Variants in CHD9 observed in about 807,000 individuals in gnomAD.
The protein encoded by CHD9 is chromodomain helicase DNA binding protein 9.
A neutral mutation model predicts 316.1 loss-of-function variants in CHD9; 77 were observed. The ratio of observed to expected loss-of-function variants is 0.24; its 90% CI spans 0.20 to 0.29. The LOEUF is 0.29. CHD9 is among the 10% of genes least tolerant of loss of function. The pLI is 1.00. For synonymous variants in CHD9, 1,129 were observed against 1,158.3 expected (o/e 0.97, Z 0.51); for missense variants, 2,763 against 3,438.1 (o/e 0.80, Z 4.91).
chr16:53,075,212 A>G (rs150151927), intron 1 of CHD9, among the ~76,000 whole-genome samples: 2,240 of 152,268 alleles, frequency 0.015, 58 homozygotes, highest in African/African-American at 0.051. Context: ...TGGAATGGCT[A>G]TATTTACCTA....
intron 2 of CHD9, among the ~76,000 whole-genome samples, chr16:53,174,704 G>A (rs1053116389): frequency 2.6e-5 from 4 of 152,160 alleles, no homozygotes; most frequent in African/African-American, 9.7e-5. Context: ...AATGTCCTGG[G>A]CTCAAGCAGT....
chr16:53,234,073 T>A (rs559402722), intron 10 of CHD9, among the ~76,000 whole-genome samples: 3 of 152,308 alleles, frequency 2.0e-5, no homozygotes, highest in East Asian at 3.9e-4. Flanking sequence ...TGCTTCTAGA[T>A]TTCTTTTGAA....
At chr16:53,306,168 G>A (rs3760010) in intron 31 of CHD9, 69 bp from the exon 32 acceptor site, 411,883 of 920,488 alleles carry the variant, frequency 0.45, 93,075 homozygotes, top group South Asian at 0.54. Flanking sequence ...GAATAATTAT[G>A]TAAAATCCTT....
chr16:53,182,034 G>T (rs779160591), intron 2 of CHD9, among the ~76,000 whole-genome samples: 3 of 152,062 alleles, frequency 2.0e-5, no homozygotes, highest in Non-Finnish European at 4.4e-5. Context: ...AGCCGAGAGT[G>T]CACCGCTGCA....
chr16:53,300,283 G>A (rs576082218), intron 30 of CHD9, among the ~76,000 whole-genome samples: 3 of 152,224 alleles, frequency 2.0e-5, no homozygotes, highest in Non-Finnish European at 2.9e-5. Flanking sequence ...AACCTGGGAG[G>A]CGGAGATTGC....
chr16:53,291,779 G>T lies in CHD9; in HGVS notation c.5290+12G>T. ...TATAGCAGATGGAGGTAAATTGCAC[G>T]TACTTCTGTACTTAGTATTATTGTA... On this transcript the variant is annotated intron_variant, in intron 28 of 38. Transcript: ENST00000447540. 6.8e-7 allele frequency: 1 copy of T among 1,474,552 alleles called. No individual in the cohort carries two copies. Among genetic ancestry groups the T allele is most frequent in the South Asian group, 1.3e-5 (1 of 77,362 alleles). The allele number at this position is 1,474,552 out of a possible 1,614,324, so 91.3% of individuals were successfully genotyped here. A position where few individuals can be genotyped will look rare whatever the true frequency, so the allele number is the denominator to read the frequency against.
intron 1 of CHD9, among the ~76,000 whole-genome samples, chr16:53,080,606 A>G (rs559279596): frequency 4.6e-5 from 7 of 152,346 alleles, no homozygotes; most frequent in African/African-American, 1.7e-4. Context: ...TGCTACAAGA[A>G]ATACAAGCTG....
At chr16:53,302,635 G>A (rs1466851462) in intron 30 of CHD9, among the ~76,000 whole-genome samples, 5 of 152,162 alleles carry the variant, frequency 3.3e-5, no homozygotes. Flanking sequence ...GTCTACAACA[G>A]TTTTTTCTGT....
rs989431782 is a variant in CHD9, at chr16:53,205,964, T to A, written c.1453-3518T>A. Among the ~76,000 whole-genome samples, 31 of 152,050 alleles carry A rather than the reference T, an allele frequency of 2.0e-4. 1 individual carries two copies. Among genetic ancestry groups the A allele is most frequent in the African/African-American group, 7.5e-4 (31 of 41,398 alleles). On this transcript the variant is annotated intron_variant, in intron 2 of 38. Transcript: ENST00000447540. The stretch of plus-strand genomic sequence containing the variant: ...TTCCTATTTCTTTTACTTTTTTTTT[T>A]AAATTAAGACAGAGTTTCACTCTTG...
chr16:53,079,608 G>A (rs188605020), intron 1 of CHD9, among the ~76,000 whole-genome samples: 13 of 152,178 alleles, frequency 8.5e-5, no homozygotes, highest in Admixed American at 3.3e-4. Flanking sequence ...GTGTCTTTTG[G>A]TTGGAATCCT....
rs1427824832 is a variant in CHD9, at chr16:53,199,974, G to A, written c.1453-9508G>A. Among the ~76,000 whole-genome samples, 3 of 152,000 alleles carry A rather than the reference G, an allele frequency of 2.0e-5. No homozygotes were observed. The South Asian group carries it at 6.2e-4, about 32-fold the overall frequency. ...AATATCGGCTGGCACGGTGGCTCATGCCTGTAATCCTAGCACTTTGGGAGG... is the reference window on the plus strand; with the variant it reads ...AATATCGGCTGGCACGGTGGCTCATACCTGTAATCCTAGCACTTTGGGAGG... On this transcript the variant is annotated intron_variant, in intron 2 of 38. Transcript: ENST00000447540.
At position 53,304,447 on chromosome 16, in the gene CHD9, A is replaced by C. The variant is rs773981389; in HGVS notation, c.6441A>C (p.Ser2147=). The C allele has an allele frequency of 2.5e-6, 4 of 1,583,048 alleles. No homozygotes were observed. The highest frequency in any genetic ancestry group is 1.7e-6 in the Non-Finnish European group (2 of 1,164,420). Residue 2147 remains serine, a synonymous_variant, in exon 31 of 39, where the codon TCA becomes TCC. Transcript: ENST00000447540. ...DSERSSCSSR[S]SSSSSSSSCS... is the part of the protein sequence containing the mutation. ...AGAGATCATCTTGTTCTTCCAGATCATCTTCTTCCTCATCATCCTCTTCTT... is the reference window on the plus strand; with the variant it reads ...AGAGATCATCTTGTTCTTCCAGATCCTCTTCTTCCTCATCATCCTCTTCTT...
chr16:53,079,695 G>A (rs752289554), intron 1 of CHD9, among the ~76,000 whole-genome samples: 3 of 152,106 alleles, frequency 2.0e-5, no homozygotes, highest in Non-Finnish European at 2.9e-5. Context: ...CCAGCCCCTC[G>A]AAAGGGGCTG....
chr16:53,121,494 G>A (rs1198906701), intron 1 of CHD9: 1 of 452,580 alleles, frequency 2.2e-6, no homozygotes. Context: ...GTAGGATCAT[G>A]CTTTGAAGTA....
chr16:53,211,334 A>G (rs2046316780), intron 3 of CHD9, among the ~76,000 whole-genome samples: 1 of 152,192 alleles, frequency 6.6e-6, no homozygotes, highest in African/African-American at 2.4e-5. Flanking sequence ...GATTTTTAGA[A>G]AAGTGAATTA....
intron 1 of CHD9, among the ~76,000 whole-genome samples, chr16:53,090,053 GAGA>G (rs1287555497): frequency 1.3e-5 from 2 of 152,226 alleles, no homozygotes; most frequent in Non-Finnish European, 2.9e-5. Context: ...TGTGGAGGGA[GAGA>G]AGAATCCCCC....
chr16:53,237,481 T>G (rs770895216), intron 11 of CHD9, among the ~76,000 whole-genome samples: 16 of 152,166 alleles, frequency 1.1e-4, no homozygotes, highest in Non-Finnish European at 1.6e-4. Context: ...GGCAAATGTC[T>G]TCTATTTATG....
At chr16:53,301,457 A>G (rs780871999) in intron 30 of CHD9, among the ~76,000 whole-genome samples, 7 of 152,228 alleles carry the variant, frequency 4.6e-5, no homozygotes, top group Non-Finnish European at 8.8e-5. Flanking sequence ...ATAAGTATTT[A>G]TGTCCTCACA....
At chr16:53,108,637 G>T (rs1252555607) in intron 1 of CHD9, among the ~76,000 whole-genome samples, 2 of 152,064 alleles carry the variant, frequency 1.3e-5, no homozygotes, top group African/African-American at 4.8e-5. Flanking sequence ...CTCTTTGGGA[G>T]ACCAAGGCGG....
Sources: allele counts gnomAD v4.1 joint callset (sites outside exome capture counted in the v4.1 genomes callset), GRCh38; gene constraint gnomAD v4.1.1; transcripts MANE v1.5; gene names NCBI Gene and HGNC (gene_info 2026-07-23, HGNC 2026-07-21).